Variants in CLSTN2 observed in about 807,000 individuals in gnomAD.
CLSTN2 encodes calsyntenin 2.
In CLSTN2, 48 loss-of-function variants were observed where a neutral mutation model predicts 101.2. That is an observed-to-expected ratio of 0.47 (90% CI 0.38 to 0.60). The LOEUF (loss-of-function observed/expected upper bound fraction) is 0.60, where lower values mean the gene tolerates loss of function less well. CLSTN2 is among the 20% of genes least tolerant of loss of function. CLSTN2 has a pLI of 0.00. For synonymous variants in CLSTN2, 481 were observed against 463.6 expected (o/e 1.04, Z -0.48); for missense variants, 1,160 against 1,238.2 (o/e 0.94, Z 0.95).
chr3:140,563,073 T>C lies in CLSTN2; in HGVS notation c.2359-7T>C. 6.2e-7 allele frequency: 1 copy of C among 1,614,032 alleles called. No individual in the cohort carries two copies. Among genetic ancestry groups the C allele is most frequent in the Non-Finnish European group, 8.5e-7 (1 of 1,179,966 alleles). On this transcript the variant is annotated splice_polypyrimidine_tract_variant and splice_region_variant and intron_variant, in intron 14 of 16. Coordinates refer to ENST00000458420, the MANE Select transcript of CLSTN2 (RefSeq NM_022131.3). ...GGGTCAATAGCACCTCTCCCCACTC[T>C]TCCCAGGTCAGCATCCTTCATGAAG...
At chr3:140,404,339 AG>A (rs1008874428) in intron 3 of CLSTN2, among the ~76,000 whole-genome samples, 48 of 152,210 alleles carry the variant, frequency 3.2e-4, no homozygotes, top group African/African-American at 1.1e-3. Flanking sequence ...AGGGCATAAA[AG>A]TCTCTCTGGG....
chr3:139,947,531 C>A (rs1296801319), intron 1 of CLSTN2, among the ~76,000 whole-genome samples: 8 of 152,128 alleles, frequency 5.3e-5, no homozygotes, highest in Admixed American at 4.6e-4. Flanking sequence ...TAAGAGTTTT[C>A]TTTTTTCTAT....
chr3:140,459,157 A>G (rs1307550385), intron 6 of CLSTN2, among the ~76,000 whole-genome samples: 3 of 152,214 alleles, frequency 2.0e-5, no homozygotes, highest in Admixed American at 2.0e-4. Flanking sequence ...ACAGATGGAT[A>G]GGTGTGTGAG....
At chr3:140,139,754 C>A (rs1158714061) in intron 1 of CLSTN2, among the ~76,000 whole-genome samples, 1 of 152,222 alleles carries the variant, frequency 6.6e-6, no homozygotes, top group Non-Finnish European at 1.5e-5. Context: ...GTAACAGCAA[C>A]CACTCACATT....
chr3:139,949,202 T>C (rs1380581451), intron 1 of CLSTN2, among the ~76,000 whole-genome samples: 2 of 152,202 alleles, frequency 1.3e-5, no homozygotes, highest in Non-Finnish European at 2.9e-5. Flanking sequence ...ATTGCTCACC[T>C]ATCTGCGCCT....
chr3:140,205,625 A>C (rs59611009), intron 2 of CLSTN2, among the ~76,000 whole-genome samples: 10,349 of 70,712 alleles, frequency 0.15, 1,520 homozygotes, highest in African/African-American at 0.23. Context: ...CCCGCCCCCC[A>C]CCCACACACA....
chr3:140,042,492 C>T (rs1203442887), intron 1 of CLSTN2, among the ~76,000 whole-genome samples: 1 of 152,072 alleles, frequency 6.6e-6, no homozygotes, highest in Non-Finnish European at 1.5e-5. Flanking sequence ...TGGGCCCTAG[C>T]CCAGATGCTT....
chr3:140,468,444 A>G (rs941426704), intron 8 of CLSTN2, among the ~76,000 whole-genome samples: 6 of 152,244 alleles, frequency 3.9e-5, no homozygotes, highest in Admixed American at 1.3e-4. Flanking sequence ...AGATAAAGAT[A>G]TAGTGAATCT....
chr3:139,965,309 A>T (rs1271778809), intron 1 of CLSTN2, among the ~76,000 whole-genome samples: 20 of 152,162 alleles, frequency 1.3e-4, no homozygotes, highest in Admixed American at 1.3e-3. Context: ...CTCTCTCTTA[A>T]CTTTTGCAGT....
chr3:140,391,949 T>G (rs926034570), intron 2 of CLSTN2, among the ~76,000 whole-genome samples: 2 of 152,134 alleles, frequency 1.3e-5, no homozygotes, highest in African/African-American at 2.4e-5. Flanking sequence ...AAGCTAAATG[T>G]GAATTAACCA....
At chr3:140,348,409 C>T (rs997187350) in intron 2 of CLSTN2, among the ~76,000 whole-genome samples, 1 of 152,188 alleles carries the variant, frequency 6.6e-6, no homozygotes, top group African/African-American at 2.4e-5. Flanking sequence ...TCAGCAAAGA[C>T]TATTTTCAAT....
chr3:140,436,961 A>G (rs925001193), intron 5 of CLSTN2, among the ~76,000 whole-genome samples: 1 of 151,574 alleles, frequency 6.6e-6, no homozygotes, highest in Non-Finnish European at 1.5e-5. Context: ...CTGGCCTGAG[A>G]CTCTGCATCT....
chr3:140,491,548 G>A (rs1337938048), intron 8 of CLSTN2, among the ~76,000 whole-genome samples: 1 of 152,248 alleles, frequency 6.6e-6, no homozygotes, highest in Non-Finnish European at 1.5e-5. Flanking sequence ...TAGACTGGGT[G>A]TGGTAGCTCA....
chr3:140,101,241 A>G (rs1299285405), intron 1 of CLSTN2, among the ~76,000 whole-genome samples: 1 of 152,056 alleles, frequency 6.6e-6, no homozygotes, highest in African/African-American at 2.4e-5. Flanking sequence ...CCTTTTCCCT[A>G]CCCTCCAGTG....
intron 2 of CLSTN2, among the ~76,000 whole-genome samples, chr3:140,388,364 C>T (rs552253348): frequency 6.6e-6 from 1 of 152,322 alleles, no homozygotes; most frequent in African/African-American, 2.4e-5. Context: ...ATAAATCACA[C>T]AGCAACTCTC....
intron 8 of CLSTN2, among the ~76,000 whole-genome samples, chr3:140,520,360 A>G (rs1934999661): frequency 6.6e-6 from 1 of 152,212 alleles, no homozygotes; most frequent in South Asian, 2.1e-4. Context: ...ACCATTCCAC[A>G]TTGCTGGGAA....
intron 2 of CLSTN2, among the ~76,000 whole-genome samples, chr3:140,321,286 T>A (rs924813545): frequency 6.6e-6 from 1 of 152,152 alleles, no homozygotes; most frequent in Non-Finnish European, 1.5e-5. Context: ...AACCCCATGC[T>A]CAAGCCTCCT....
At chr3:140,382,032 A>G (rs1214507476) in intron 2 of CLSTN2, among the ~76,000 whole-genome samples, 1 of 152,066 alleles carries the variant, frequency 6.6e-6, no homozygotes, top group African/African-American at 2.4e-5. Context: ...TCCTGCCTCA[A>G]GGCCTTTGCG....
chr3:140,464,091 C>T (rs929577570), intron 7 of CLSTN2, among the ~76,000 whole-genome samples: 4 of 152,174 alleles, frequency 2.6e-5, no homozygotes, highest in African/African-American at 9.7e-5. Flanking sequence ...TTGGAGACCT[C>T]TGCAGAGCCG....
Sources: allele counts gnomAD v4.1 joint callset (sites outside exome capture counted in the v4.1 genomes callset), GRCh38; gene constraint gnomAD v4.1.1; transcripts MANE v1.5; gene names NCBI Gene and HGNC (gene_info 2026-07-23, HGNC 2026-07-21).